CADM1: variants seen among roughly 807,000 people sequenced by gnomAD.
CADM1 encodes the protein TSLC-1.
A neutral mutation model predicts 53.1 loss-of-function variants in CADM1; 15 were observed. The observed-to-expected ratio is 0.28, with a 90% CI of 0.19 to 0.44. The LOEUF is 0.44. Among genes scored for constraint, CADM1 ranks in the 20% least tolerant of loss-of-function variants. The pLI is 1.00. For missense variants in CADM1, 434 were observed against 611.3 expected (o/e 0.71, Z 3.06); for synonymous variants, 281 against 243.0 (o/e 1.16, Z -1.45).
intron 1 of CADM1, among the ~76,000 whole-genome samples, chr11:115,498,781 G>A (rs562019178): frequency 2.6e-5 from 4 of 152,246 alleles, no homozygotes; most frequent in Admixed American, 2.0e-4. Flanking sequence ...CTGTGCGTAC[G>A]GCCAGATAAT....
chr11:115,496,313 G>T (rs963343905), intron 1 of CADM1, among the ~76,000 whole-genome samples: 1 of 152,154 alleles, frequency 6.6e-6, no homozygotes, highest in Non-Finnish European at 1.5e-5. Flanking sequence ...TAGGCAAAGA[G>T]AAATCAGCCA....
chr11:115,313,140 A>G (rs1944574224), intron 1 of CADM1, among the ~76,000 whole-genome samples: 1 of 152,198 alleles, frequency 6.6e-6, no homozygotes, highest in African/African-American at 2.4e-5. Context: ...GACCATCAGC[A>G]TATACTATAT....
intron 8 of CADM1, among the ~76,000 whole-genome samples, chr11:115,206,166 T>TA (rs1346504557): frequency 1.3e-5 from 2 of 152,230 alleles, no homozygotes; most frequent in South Asian, 2.1e-4. Flanking sequence ...TGAAAGGCTG[T>TA]ATGGGTACGG....
At chr11:115,453,418 A>C (rs1489979632) in intron 1 of CADM1, among the ~76,000 whole-genome samples, 5 of 151,714 alleles carry the variant, frequency 3.3e-5, no homozygotes, top group South Asian at 2.1e-4. Context: ...GAAAAGAAAC[A>C]GCAGCACTTA....
chr11:115,386,532 A>T (rs1374540098), intron 1 of CADM1, among the ~76,000 whole-genome samples: 1 of 151,892 alleles, frequency 6.6e-6, no homozygotes, highest in Non-Finnish European at 1.5e-5. Flanking sequence ...GTTTGAAGGA[A>T]CTCTCTGCAG....
intron 9 of CADM1, among the ~76,000 whole-genome samples, chr11:115,192,756 A>C (rs926720609): frequency 2.6e-5 from 4 of 152,220 alleles, no homozygotes; most frequent in African/African-American, 9.6e-5. Flanking sequence ...TAAAAAACCC[A>C]AAAAGACAAA....
At chr11:115,427,552 T>C (rs1175259918) in intron 1 of CADM1, among the ~76,000 whole-genome samples, 1 of 152,104 alleles carries the variant, frequency 6.6e-6, no homozygotes, top group African/African-American at 2.4e-5. Context: ...ATGATAGATA[T>C]GGGGGCAAAC....
Position 115,339,577 on chromosome 11 carries a change from C to T in CADM1, c.125-99157G>A, listed in dbSNP as rs557223380. 3.3e-5 allele frequency among the ~76,000 whole-genome samples: 5 copies of T among 152,174 alleles called. No individual in the cohort carries two copies. In the South Asian group the frequency reaches 1.0e-3, roughly 32 times the overall value. On this transcript the variant is annotated intron_variant, in intron 1 of 11. Coordinates refer to ENST00000331581, the MANE Select transcript of CADM1 (RefSeq NM_001301043.2). ...CTCATACCTGCTTCATAGAGGCCAC[C>T]CCTACCTTCTGCCTCTTCACTAATT...
chr11:115,318,524 C>CT (rs1944735835), intron 1 of CADM1, among the ~76,000 whole-genome samples: 1 of 152,092 alleles, frequency 6.6e-6, no homozygotes, highest in South Asian at 2.1e-4. Flanking sequence ...GATCTGGAGA[C>CT]TAGGGAGATG....
At chr11:115,241,361 G>C (rs188896798) in intron 1 of CADM1, among the ~76,000 whole-genome samples, 1 of 152,304 alleles carries the variant, frequency 6.6e-6, no homozygotes, top group African/African-American at 2.4e-5. Context: ...AGTATATGTT[G>C]TCCTAGCCTT....
intron 1 of CADM1, among the ~76,000 whole-genome samples, chr11:115,305,577 G>A (rs1221553236): frequency 6.6e-6 from 1 of 151,846 alleles, no homozygotes; most frequent in Non-Finnish European, 1.5e-5. Context: ...TAGAGCATTG[G>A]CTGGCCACAA....
intron 1 of CADM1, among the ~76,000 whole-genome samples, chr11:115,383,628 G>C (rs534434182): frequency 5.3e-5 from 8 of 152,306 alleles, no homozygotes; most frequent in African/African-American, 1.9e-4. Flanking sequence ...CTGTAGAACA[G>C]ACAGACGTGG....
At chr11:115,266,187 C>T (rs1427791394) in intron 1 of CADM1, among the ~76,000 whole-genome samples, 2 of 152,218 alleles carry the variant, frequency 1.3e-5, no homozygotes, top group East Asian at 1.9e-4. Context: ...GGCTGGACTG[C>T]ACCAGTTATT....
intron 1 of CADM1, among the ~76,000 whole-genome samples, chr11:115,423,339 C>T (rs1947808113): frequency 6.6e-6 from 1 of 152,162 alleles, no homozygotes; most frequent in African/African-American, 2.4e-5. Flanking sequence ...ACATTCATCT[C>T]TATGGCTTGT....
intron 1 of CADM1, among the ~76,000 whole-genome samples, chr11:115,466,110 T>C (rs1433731213): frequency 6.6e-6 from 1 of 151,998 alleles, no homozygotes; most frequent in African/African-American, 2.4e-5. Flanking sequence ...AAAAAAGCTA[T>C]GAAAAAAAAA....
rs746288932 is a variant in CADM1 at position 115,175,903 on chromosome 11, T to C, written c.*571A>G. On this transcript the variant is annotated 3_prime_UTR_variant, in exon 12 of 12. Transcript: ENST00000331581. ...AAATCTTTACGACAACAGAGAAGAA[T>C]GCATTATGGATACACTAAATTCTGA... 2.0e-6 allele frequency: 2 copies of C among 996,306 alleles called. No individual in the cohort carries two copies. The highest frequency in any genetic ancestry group is 1.2e-6 in the Non-Finnish European group (1 of 836,200). 61.7% of individuals were successfully genotyped at this position (996,306 alleles called of 1,614,324 possible).
Position 115,175,872 on chromosome 11 carries a change from T to C in CADM1, c.*602A>G, listed in dbSNP as rs528842582. On this transcript the variant is annotated 3_prime_UTR_variant, in exon 12 of 12. Transcript: ENST00000331581. ...GCAGCAAAGAGTTTTCATTGTTTGT[T>C]CACCCAAATCTTTACGACAACAGAG... 4 of 994,148 alleles carry C rather than the reference T, an allele frequency of 4.0e-6. No individual in the cohort carries two copies. The highest frequency in any genetic ancestry group is 1.1e-4 in the East Asian group (1 of 9,084). 61.6% of individuals were successfully genotyped at this position (994,148 alleles called of 1,614,324 possible). A position where few individuals can be genotyped will look rare whatever the true frequency, so the allele number is the denominator to read the frequency against.
chr11:115,188,894 ATTGG>A (rs1404016868), intron 10 of CADM1, among the ~76,000 whole-genome samples: 4 of 123,878 alleles, frequency 3.2e-5, no homozygotes, highest in East Asian at 4.1e-4. Context: ...CTCAATTTTT[ATTGG>A]TTGTTTTTTT....
intron 1 of CADM1, among the ~76,000 whole-genome samples, chr11:115,316,843 A>G (rs1281810392): frequency 1.3e-5 from 2 of 152,202 alleles, no homozygotes; most frequent in African/African-American, 4.8e-5. Context: ...ACTATATAGC[A>G]AGATAAAGTG....
Sources: allele counts gnomAD v4.1 joint callset (sites outside exome capture counted in the v4.1 genomes callset), GRCh38; gene constraint gnomAD v4.1.1; transcripts MANE v1.5; gene names NCBI Gene and HGNC (gene_info 2026-07-23, HGNC 2026-07-21).